Variants in FHAD1 observed in about 807,000 individuals in gnomAD.
FHAD1 encodes forkhead-associated domain-containing protein 1.
A neutral mutation model predicts 191.3 loss-of-function variants in FHAD1; 146 were observed. The observed-to-expected ratio is 0.76, with a 90% confidence interval of 0.67 to 0.88. FHAD1 has a LOEUF of 0.88. Ranked by LOEUF, FHAD1 falls within the 40% of genes least tolerant of loss-of-function variation. The pLI, the probability that FHAD1 is intolerant of heterozygous loss-of-function variation, is 0.00. For synonymous variants in FHAD1, 616 were observed against 672.3 expected (o/e 0.92, Z 1.29); for missense variants, 1,635 against 1,785.8 (o/e 0.92, Z 1.52).
In FHAD1 at chr1:15,289,260, T is replaced by C. The variant is rs1019927262; in HGVS notation, c.301-139T>C. On this transcript the variant is annotated intron_variant, in intron 3 of 33. Transcript: ENST00000688493. The surrounding 1 kb of genome is among the most constrained non-coding windows in gnomAD (Gnocchi z 4.2). ...ACTTTGGCCTCCCAAAGTGTTGGGA[T>C]TATAGCTGTGTGCCACCCTGCCCGA... The C allele has an allele frequency of 8.3e-7, 1 of 1,211,250 alleles. No individual in the cohort carries two copies. The highest frequency in any genetic ancestry group is 1.6e-5 in the South Asian group (1 of 62,802). The allele number at this position is 1,211,250 out of a possible 1,614,324, so 75.0% of individuals were successfully genotyped here.
In FHAD1 at chr1:15,258,345, C is replaced by T. The variant is rs114654153; in HGVS notation, c.93+6468C>T. 5.5e-3 allele frequency among the ~76,000 whole-genome samples: 831 copies of T among 152,294 alleles called. 2 individuals are homozygous for T. Among genetic ancestry groups the T allele is most frequent in the African/African-American group, 0.018 (751 of 41,550 alleles). The stretch of plus-strand genomic sequence containing the variant: ...TCATAGACTATACTATACGCTGAAT[C>T]GTATAGTACGTGTCTTTTGTGACTG... On this transcript the variant is annotated intron_variant, in intron 2 of 33. Coordinates refer to ENST00000688493, the MANE Select transcript of FHAD1 (RefSeq NM_001391957.1).
At chr1:15,280,020 C>T (rs1660005689) in intron 3 of FHAD1, among the ~76,000 whole-genome samples, 1 of 152,178 alleles carries the variant, frequency 6.6e-6, no homozygotes, top group Admixed American at 6.5e-5. Context: ...AAGTTCCAGG[C>T]AGGTCTCCAA....
chr1:15,272,360 A>G lies in FHAD1; in HGVS notation c.131A>G (p.Tyr44Cys). Residue 44 changes from tyrosine (Y) to cysteine (C), a missense_variant, in exon 3 of 34, where the codon TAT (tyrosine) becomes TGT (cysteine). Tyr to Cys is a radical substitution (Grantham distance 194). Coordinates refer to ENST00000688493, the MANE Select transcript of FHAD1 (RefSeq NM_001391957.1). ...GACAACCACCATGCACTCATTGAAT[A>G]TAACGAGGCGGAGTGCAGCTTTGTT... ...DIDNHHALIE[Y>C]NEAECSFVLQ... 1.3e-6 allele frequency: 2 copies of G among 1,551,760 alleles called. No individual in the cohort carries two copies. Among genetic ancestry groups the G allele is most frequent in the Non-Finnish European group, 1.7e-6 (2 of 1,147,002 alleles).
intron 14 of FHAD1, among the ~76,000 whole-genome samples, chr1:15,338,543 C>T (rs1685198864): frequency 6.6e-6 from 1 of 152,178 alleles, no homozygotes; most frequent in African/African-American, 2.4e-5. Flanking sequence ...TCGTATTTGC[C>T]AAGCTCTTTT....
intron 10 of FHAD1, among the ~76,000 whole-genome samples, chr1:15,319,071 C>A (rs1210817989): frequency 6.6e-6 from 1 of 152,060 alleles, no homozygotes; most frequent in African/African-American, 2.4e-5. Context: ...CTCAAGCAGT[C>A]CTCCTGCCTC....
chr1:15,371,849 C>T (rs1698204950), intron 26 of FHAD1, among the ~76,000 whole-genome samples: 2 of 152,228 alleles, frequency 1.3e-5, no homozygotes, highest in Admixed American at 6.5e-5. Context: ...CTGCCTCCCT[C>T]TCACCGCTGC....
At chr1:15,351,074 A>G (rs1690685673) in intron 19 of FHAD1, among the ~76,000 whole-genome samples, 2 of 152,150 alleles carry the variant, frequency 1.3e-5, no homozygotes, top group East Asian at 1.9e-4. Context: ...GCTGGGTGCG[A>G]TGGCTCACGC....
At chr1:15,277,744 C>G (rs1573905064) in intron 3 of FHAD1, among the ~76,000 whole-genome samples, 1 of 152,150 alleles carries the variant, frequency 6.6e-6, no homozygotes, top group Non-Finnish European at 1.5e-5. Context: ...CAGATAGGGG[C>G]TTCCTCATTC....
chr1:15,326,845 G>T (rs1241898752), intron 11 of FHAD1: 1 of 534,678 alleles, frequency 1.9e-6, no homozygotes, highest in East Asian at 3.1e-5. Context: ...GGGTTAGGCA[G>T]GCGTGCCTAA....
chr1:15,367,496 A>G lies in FHAD1; in HGVS notation c.3188A>G (p.Glu1063Gly). The change falls in exon 25 of 34, where the codon GAG becomes GGG. Residue 1063 changes from glutamate (E) to glycine (G), a missense_variant. Physicochemically the swap from Glu to Gly is moderately conservative, Grantham distance 98 (BLOSUM62 -2). Coordinates refer to ENST00000688493, the MANE Select transcript of FHAD1 (RefSeq NM_001391957.1). ...AACGAGAAGCAGAAGATGGAACTGGAGCAGAACGTGGTGCTGGTCCAGCAG... is the reference window on the plus strand; with the variant it reads ...AACGAGAAGCAGAAGATGGAACTGGGGCAGAACGTGGTGCTGGTCCAGCAG... ...ELNEKQKMEL[E>G]QNVVLVQQQS... 6.4e-7 allele frequency: 1 copy of G among 1,551,420 alleles called. No homozygotes were observed. Among genetic ancestry groups the G allele is most frequent in the Non-Finnish European group, 8.7e-7 (1 of 1,146,932 alleles).
At position 15,325,267 on chromosome 1, in the gene FHAD1, C is replaced by T. The variant is rs1677997791; in HGVS notation, c.1473+708C>T. 6.6e-6 allele frequency: 1 copy of T among 152,166 alleles called. No homozygotes were observed. Among genetic ancestry groups the T allele is most frequent in the African/African-American group, 2.4e-5 (1 of 41,376 alleles). 9.4% of individuals were successfully genotyped at this position (152,166 alleles called of 1,614,324 possible). A position where few individuals can be genotyped will look rare whatever the true frequency, so the allele number is the denominator to read the frequency against. On this transcript the variant is annotated intron_variant, in intron 11 of 33. Coordinates refer to ENST00000688493, the MANE Select transcript of FHAD1 (RefSeq NM_001391957.1). This position sits in a 1 kb window ranked among gnomAD's most constrained non-coding sequence, Gnocchi z 4.6. ...CACCCTAGATTCCTCCACAGGGGTCCCTCTCCTGGAAACCATGACTCCAGG... is the reference window on the plus strand; with the variant it reads ...CACCCTAGATTCCTCCACAGGGGTCTCTCTCCTGGAAACCATGACTCCAGG...
At chr1:15,239,232 C>G (rs1007893414) in intron 1 of FHAD1, among the ~76,000 whole-genome samples, 1 of 151,842 alleles carries the variant, frequency 6.6e-6, no homozygotes, top group Admixed American at 6.6e-5. Context: ...TTATTTAAAT[C>G]CTTATTGAAT....
At chr1:15,344,989 T>G in intron 16 of FHAD1, 94 bp from the exon 17 acceptor site, 1 of 920,330 alleles carries the variant, frequency 1.1e-6, no homozygotes, top group Non-Finnish European at 1.7e-6. Context: ...GGGAGTGCGG[T>G]GAGGAGTGAA....
intron 1 of FHAD1, 23 bp from the exon 2 acceptor site, chr1:15,251,748 T>A (rs1646801379): frequency 6.6e-7 from 1 of 1,511,944 alleles, no homozygotes; most frequent in African/African-American, 1.4e-5. Context: ...TCTAACAAAA[T>A]TCTTTCTGAA....
chr1:15,247,775 C>T (rs938851755), intron 1 of FHAD1, among the ~76,000 whole-genome samples: 2 of 152,142 alleles, frequency 1.3e-5, no homozygotes, highest in African/African-American at 4.8e-5. Context: ...AAATACAACA[C>T]TGAGGAATTT....
chr1:15,274,520 G>A (rs1236687769), intron 3 of FHAD1, among the ~76,000 whole-genome samples: 8 of 152,002 alleles, frequency 5.3e-5, no homozygotes, highest in Non-Finnish European at 1.0e-4. Context: ...GCTGAGGCAG[G>A]AGAATTGCTT....
rs938960746 is a variant in FHAD1 at position 15,329,591 on chromosome 1, G to A, written c.1906+50G>A. 1.5e-5 allele frequency: 22 copies of A among 1,505,764 alleles called. No individual in the cohort carries two copies. The highest frequency in any genetic ancestry group is 4.2e-5 in the African/African-American group (3 of 72,110). 93.3% of individuals were successfully genotyped at this position (1,505,764 alleles called of 1,614,324 possible). Reference sequence around the variant, plus strand: ...TGGTTGCATGACTCTAAAATGTCGCGTTGAATCTCAGCATGATGGGACATC... The same window carrying A: ...TGGTTGCATGACTCTAAAATGTCGCATTGAATCTCAGCATGATGGGACATC... On this transcript the variant is annotated intron_variant, in intron 14 of 33. Transcript: ENST00000688493. The surrounding 1 kb of genome is among the most constrained non-coding windows in gnomAD (Gnocchi z 5.0).
chr1:15,289,580 C>G lies in FHAD1; in HGVS notation c.482C>G (p.Ala161Gly), dbSNP rs1663754990. Residue 161 changes from alanine to glycine, a missense_variant, in exon 4 of 34, where the codon GCC becomes GGC. Transcript: ENST00000688493. The surrounding 1 kb of genome is among the most constrained non-coding windows in gnomAD (Gnocchi z 4.2). ...CCCAGACCCACCGTGGTCCTGCCGG[C>G]CTCCCACAGGCGGCCTGTGAGCGCC... ...AFPRPTVVLP[A>G]SHRRPVSANK... 6.4e-7 allele frequency: 1 copy of G among 1,551,692 alleles called. No individual in the cohort carries two copies. Among genetic ancestry groups the G allele is most frequent in the Non-Finnish European group, 8.7e-7 (1 of 1,147,038 alleles).
chr1:15,367,322 C>T lies in FHAD1; in HGVS notation c.3155-141C>T, dbSNP rs531319713. 34 of 926,500 alleles carry T rather than the reference C, an allele frequency of 3.7e-5. 1 individual carries two copies. Among genetic ancestry groups the T allele is most frequent in the Non-Finnish European group, 4.0e-5 (26 of 643,530 alleles). 57.4% of individuals were successfully genotyped at this position (926,500 alleles called of 1,614,324 possible). A position where few individuals can be genotyped will look rare whatever the true frequency, so the allele number is the denominator to read the frequency against. On this transcript the variant is annotated intron_variant, in intron 24 of 33. Coordinates refer to ENST00000688493, the MANE Select transcript of FHAD1 (RefSeq NM_001391957.1). ...ACCAGCCTGGCCAACATGGTGAAAC[C>T]CTGTCTCTACTAAAAATACAAAAAT... is the stretch of plus-strand genomic sequence containing the variant.
Sources: gnomAD v4.1 joint callset for allele counts (sites outside exome capture counted in the v4.1 genomes callset) on GRCh38, gnomAD v4.1.1 for gene constraint, Gnocchi (gnomAD v3.1) non-coding constraint, MANE v1.5 for transcripts, NCBI Gene and HGNC (gene_info 2026-07-23, HGNC 2026-07-21) for gene names.